Variants in INPP4B observed in about 807,000 individuals in gnomAD.
INPP4B encodes inositol polyphosphate-4-phosphatase type II B.
Under a neutral mutation model 122.5 loss-of-function variants are expected in INPP4B, and 55 were observed. The ratio of observed to expected loss-of-function variants is 0.45; its 90% confidence interval spans 0.36 to 0.56. The LOEUF (loss-of-function observed/expected upper bound fraction) is 0.56. Among genes scored for constraint, INPP4B ranks in the 20% least tolerant of loss-of-function variants. The pLI is 0.00. For missense variants in INPP4B, 1,000 were observed against 1,097.7 expected (o/e 0.91, Z 1.26); for synonymous variants, 403 against 388.7 (o/e 1.04, Z -0.43).
intron 24 of INPP4B, 76 bp downstream of exon 24, chr4:142,086,068 C>T: frequency 1.0e-6 from 1 of 973,380 alleles, no homozygotes; most frequent in Non-Finnish European, 1.7e-6. Flanking sequence ...GAGGTTGGAC[C>T]CTGCACAGTA....
At chr4:142,708,017 A>C (rs1762663293) in intron 2 of INPP4B, among the ~76,000 whole-genome samples, 1 of 152,198 alleles carries the variant, frequency 6.6e-6, no homozygotes, top group African/African-American at 2.4e-5. Flanking sequence ...TGGGAAATGG[A>C]GCAGAGGCCA....
At chr4:142,367,261 C>T (rs1254092450) in intron 7 of INPP4B, among the ~76,000 whole-genome samples, 6 of 149,716 alleles carry the variant, frequency 4.0e-5, no homozygotes, top group Non-Finnish European at 7.4e-5. Context: ...AATTTGACTT[C>T]GTTATGTTCT....
chr4:142,757,800 G>T (rs1030944843), intron 1 of INPP4B, among the ~76,000 whole-genome samples: 2 of 152,142 alleles, frequency 1.3e-5, no homozygotes, highest in African/African-American at 4.8e-5. Context: ...GGATCTTAGG[G>T]TAAGAATATA....
At chr4:142,325,606 T>C (rs1772034925) in intron 7 of INPP4B, among the ~76,000 whole-genome samples, 1 of 152,186 alleles carries the variant, frequency 6.6e-6, no homozygotes, top group South Asian at 2.1e-4. Flanking sequence ...GAAATACTAG[T>C]TAAGACAAAT....
At chr4:142,636,771 C>T (rs944496443) in intron 2 of INPP4B, among the ~76,000 whole-genome samples, 2 of 152,022 alleles carry the variant, frequency 1.3e-5, no homozygotes, top group African/African-American at 4.8e-5. Context: ...CATTTATTAG[C>T]TCCCTTTCTC....
intron 22 of INPP4B, among the ~76,000 whole-genome samples, chr4:142,111,450 G>A (rs1790007421): frequency 6.6e-6 from 1 of 151,364 alleles, no homozygotes; most frequent in Non-Finnish European, 1.5e-5. Flanking sequence ...CAGTTCAAGC[G>A]ATTCTCCTGC....
chr4:142,417,672 G>A (rs970714372), intron 5 of INPP4B, among the ~76,000 whole-genome samples: 1 of 152,074 alleles, frequency 6.6e-6, no homozygotes, highest in African/African-American at 2.4e-5. Flanking sequence ...TACCATTGGA[G>A]AATCACTTAT....
intron 2 of INPP4B, among the ~76,000 whole-genome samples, chr4:142,502,431 T>C (rs557972126): frequency 2.8e-4 from 43 of 152,270 alleles, no homozygotes; most frequent in African/African-American, 9.9e-4. Context: ...ACTCCATGTA[T>C]TATTGATTTA....
At chr4:142,420,112 A>T (rs1806553810) in intron 5 of INPP4B, among the ~76,000 whole-genome samples, 1 of 152,132 alleles carries the variant, frequency 6.6e-6, no homozygotes, top group Non-Finnish European at 1.5e-5. Flanking sequence ...ATTAAAAAAA[A>T]GTATAAAGGA....
chr4:142,039,201 T>C (rs1321630299), intron 25 of INPP4B, among the ~76,000 whole-genome samples: 1 of 152,202 alleles, frequency 6.6e-6, no homozygotes, highest in African/African-American at 2.4e-5. Flanking sequence ...AATACTTGAC[T>C]GTTCAATAAG....
Position 142,597,379 on chromosome 4 carries a change from T to TA in INPP4B, c.-191+128459dup, listed in dbSNP as rs1179815311. On this transcript the variant is annotated intron_variant, in intron 2 of 25. Transcript: ENST00000262992. ...ACTGGGGGTAGGGATTAGGTGTTCT[T>TA]AAACATTTCATAATAAATTGTCTAT... Among the ~76,000 whole-genome samples the TA allele has an allele frequency of 2.6e-5, 4 of 152,344 alleles. No homozygotes were observed. The East Asian group carries it at 7.7e-4, about 29-fold the overall frequency.
At chr4:142,367,067 A>C (rs2148638113) in intron 7 of INPP4B, among the ~76,000 whole-genome samples, 1 of 152,230 alleles carries the variant, frequency 6.6e-6, no homozygotes, top group East Asian at 1.9e-4. Context: ...ACTTGCTGAG[A>C]GCTGAAGCCA....
intron 2 of INPP4B, among the ~76,000 whole-genome samples, chr4:142,552,991 C>T (rs1428089756): frequency 1.3e-5 from 2 of 152,184 alleles, no homozygotes; most frequent in African/African-American, 4.8e-5. Context: ...ACACAATAGA[C>T]ATTTTTGGTC....
chr4:142,464,837 C>CA (rs1481160835), intron 2 of INPP4B, among the ~76,000 whole-genome samples: 3 of 152,120 alleles, frequency 2.0e-5, no homozygotes, highest in African/African-American at 7.2e-5. Context: ...AACACTTGAA[C>CA]AAAATCATAA....
intron 11 of INPP4B, among the ~76,000 whole-genome samples, chr4:142,259,470 T>C (rs1284550270): frequency 6.6e-6 from 1 of 151,538 alleles, no homozygotes; most frequent in African/African-American, 2.4e-5. Context: ...ATTTTTTAAG[T>C]GTGTATTTTG....
At chr4:142,090,383 T>C (rs551953923) in intron 23 of INPP4B, among the ~76,000 whole-genome samples, 1 of 121,848 alleles carries the variant, frequency 8.2e-6, no homozygotes, top group East Asian at 2.6e-4. Context: ...AACCCAATAC[T>C]TGGGTTGCTG....
intron 2 of INPP4B, among the ~76,000 whole-genome samples, chr4:142,720,425 G>A (rs1465151308): frequency 2.6e-5 from 4 of 151,890 alleles, no homozygotes; most frequent in Admixed American, 6.6e-5. Context: ...AGTGGGGTAT[G>A]GTTCCAGGTT....
At chr4:142,219,096 C>A (rs1049339238) in intron 12 of INPP4B, among the ~76,000 whole-genome samples, 11 of 152,138 alleles carry the variant, frequency 7.2e-5, no homozygotes, top group African/African-American at 2.7e-4. Context: ...AAGCCATGAG[C>A]CACTATTTCA....
chr4:142,041,858 G>T (rs1228698391), intron 25 of INPP4B, among the ~76,000 whole-genome samples: 1 of 151,528 alleles, frequency 6.6e-6, no homozygotes, highest in African/African-American at 2.4e-5. Context: ...CACATGTACT[G>T]CATCTCCACT....
Sources: gnomAD v4.1 joint callset for allele counts (sites outside exome capture counted in the v4.1 genomes callset) on GRCh38, gnomAD v4.1.1 for gene constraint, MANE v1.5 for transcripts, NCBI Gene and HGNC (gene_info 2026-07-23, HGNC 2026-07-21) for gene names.